Variants in KNTC1 observed in about 807,000 individuals in gnomAD.
KNTC1 encodes the protein kinetochore associated 1.
In KNTC1, 253 loss-of-function variants were observed where a neutral mutation model predicts 314.4. The ratio of observed to expected loss-of-function variants is 0.80; its 90% CI spans 0.73 to 0.89. The LOEUF (loss-of-function observed/expected upper bound fraction) is 0.89. Among genes scored for constraint, KNTC1 ranks in the 40% least tolerant of loss-of-function variants. The pLI, the probability that KNTC1 is intolerant of heterozygous loss-of-function variation, is 0.00. For missense variants in KNTC1, 2,475 were observed against 2,572.9 expected (o/e 0.96, Z 0.82); for synonymous variants, 901 against 901.4 (o/e 1.00, Z 0.01).
At chr12:122,532,983 G>A (rs1244986746) in intron 2 of KNTC1, among the ~76,000 whole-genome samples, 3 of 152,144 alleles carry the variant, frequency 2.0e-5, no homozygotes, top group East Asian at 1.9e-4. Context: ...GCTGAGGCAG[G>A]AGAATGGCGT....
chr12:122,572,397 C>A (rs1355527136), intron 24 of KNTC1, among the ~76,000 whole-genome samples: 6 of 149,826 alleles, frequency 4.0e-5, no homozygotes, highest in Admixed American at 6.6e-5. Flanking sequence ...TCTGTCCCCC[C>A]CAAAAAAAAA....
intron 54 of KNTC1, 185 bp from the exon 55 acceptor site, chr12:122,613,441 G>A (rs543963915): frequency 4.5e-6 from 3 of 663,696 alleles, no homozygotes; most frequent in Admixed American, 6.5e-5. Context: ...TTTAGAAACT[G>A]AATGTTTTAT....
chr12:122,545,737 C>T (rs887591811), intron 8 of KNTC1, among the ~76,000 whole-genome samples: 2 of 151,670 alleles, frequency 1.3e-5, no homozygotes, highest in African/African-American at 2.4e-5. Flanking sequence ...GGATTGCTTG[C>T]ACCCAGGAGG....
At position 122,574,371 on chromosome 12, in the gene KNTC1, T is replaced by G; in HGVS notation, c.2373T>G (p.Ser791=). The G allele has an allele frequency of 6.3e-7, 1 of 1,591,272 alleles. No homozygotes were observed. Among genetic ancestry groups the G allele is most frequent in the Non-Finnish European group, 8.6e-7 (1 of 1,162,658 alleles). The part of the protein sequence containing the change: ...AKAMAVIACL[S]DTDLIFDAVL... ...CCATGGCAGTAATAGCGTGTTTATC[T>G]GACACGGACGTAAGTAAATAGTGAC... Residue 791 remains serine (S), a synonymous_variant, in exon 27 of 64, where the codon TCT becomes TCG. Transcript: ENST00000333479.
rs1457514515 is a variant in KNTC1 at position 122,609,416 on chromosome 12, T to G, written c.5529T>G (p.Asp1843Glu). The change falls in exon 52 of 64, where the codon GAT becomes GAG. Residue 1843 changes from aspartate (D) to glutamate (E), a missense_variant. Coordinates refer to ENST00000333479, the MANE Select transcript of KNTC1 (RefSeq NM_014708.6). ...CAGAATTATTTGAACTTCAAGAAGA[T>G]GAAGCCCTACGAAGGTACTCTTTTC... The part of the protein sequence containing the change: ...KPSELFELQE[D>E]EALRRVQYLL... The G allele has an allele frequency of 6.3e-7, 1 of 1,585,896 alleles. No homozygotes were observed. Among genetic ancestry groups the G allele is most frequent in the Non-Finnish European group, 8.6e-7 (1 of 1,163,992 alleles).
rs781582593 is a variant in KNTC1, at chr12:122,547,980, AT to A, written c.987+15del. 86 of 1,523,154 alleles carry A rather than the reference AT, an allele frequency of 5.6e-5. No homozygotes were observed. Among genetic ancestry groups the A allele is most frequent in the Non-Finnish European group, 6.7e-5 (76 of 1,133,256 alleles). The allele number at this position is 1,523,154 out of a possible 1,614,324, so 94.4% of individuals were successfully genotyped here. On this transcript the variant is annotated intron_variant, in intron 12 of 63. Transcript: ENST00000333479. ...TCAGCTAATAAGAAGGTATTGGAAAATTTTATTTTGTGCTTGCCTATATTAT... is the reference window on the plus strand; with the variant it reads ...TCAGCTAATAAGAAGGTATTGGAAAATTTATTTTGTGCTTGCCTATATTAT...
intron 62 of KNTC1, among the ~76,000 whole-genome samples, chr12:122,624,034 C>T (rs1406887722): frequency 6.6e-6 from 1 of 152,140 alleles, no homozygotes; most frequent in African/African-American, 2.4e-5. Flanking sequence ...CACCATTGCA[C>T]TCCAGCCTGT....
At chr12:122,535,428 C>T (rs148168403) in intron 3 of KNTC1, among the ~76,000 whole-genome samples, 1,604 of 152,106 alleles carry the variant, frequency 0.011, 29 homozygotes, top group African/African-American at 0.037. Context: ...ATTGCCTGAG[C>T]TCAGGGGTTT....
intron 44 of KNTC1, among the ~76,000 whole-genome samples, chr12:122,600,969 C>G (rs1281952753): frequency 6.6e-6 from 1 of 151,896 alleles, no homozygotes; most frequent in Non-Finnish European, 1.5e-5. Context: ...TTTATTAAAA[C>G]AAGACTGCCT....
chr12:122,568,171 T>G (rs1330866906), intron 20 of KNTC1, 90 bp from the exon 21 acceptor site: 2 of 684,708 alleles, frequency 2.9e-6, no homozygotes, highest in Non-Finnish European at 5.1e-6. Context: ...AGAAGAAAAC[T>G]AATTAAAATG....
At chr12:122,597,350 G>A in intron 43 of KNTC1, 1 of 218,920 alleles carries the variant, frequency 4.6e-6, no homozygotes, top group South Asian at 6.7e-5. Flanking sequence ...CCGGGTTCAA[G>A]CAATTCTCCT....
chr12:122,538,155 A>C (rs1480289560), intron 3 of KNTC1, among the ~76,000 whole-genome samples, 184 bp from the exon 4 acceptor site: 1 of 152,186 alleles, frequency 6.6e-6, no homozygotes, highest in Non-Finnish European at 1.5e-5. Context: ...AAACAAAACA[A>C]AAAATATTTG....
intron 62 of KNTC1, among the ~76,000 whole-genome samples, chr12:122,623,837 C>T (rs774493083): frequency 2.0e-5 from 3 of 152,042 alleles, no homozygotes; most frequent in Admixed American, 1.3e-4. Context: ...GAGGCCGAGG[C>T]GGGTGGATCA....
At chr12:122,530,890 G>A (rs1004171914) in intron 2 of KNTC1, among the ~76,000 whole-genome samples, 1 of 152,182 alleles carries the variant, frequency 6.6e-6, no homozygotes, top group Non-Finnish European at 1.5e-5. Context: ...GTTTATCCGT[G>A]CATTTCTTTC....
chr12:122,543,950 T>C lies in KNTC1; in HGVS notation c.559-209T>C, dbSNP rs181749331. Among the ~76,000 whole-genome samples, 293 of 151,222 alleles carry C rather than the reference T, an allele frequency of 1.9e-3. 3 individuals carry two copies. Among genetic ancestry groups the C allele is most frequent in the Admixed American group, 0.015 (226 of 15,090 alleles). ...CTGTACTCCCAGCTACTCAGGAGGC[T>C]GAGGCAGGGAATTACTTGAACTCGG... On this transcript the variant is annotated intron_variant, in intron 7 of 63. Transcript: ENST00000333479.
At chr12:122,597,706 G>A (rs1441220895) in intron 43 of KNTC1, 25 bp from the exon 44 acceptor site, 2 of 1,596,040 alleles carry the variant, frequency 1.3e-6, no homozygotes, top group East Asian at 2.2e-5. Flanking sequence ...TTGGGAGACT[G>A]GTGTGTATTG....
intron 51 of KNTC1, 75 bp from the exon 52 acceptor site, chr12:122,609,302 CTAATAGA>C (rs1566013975): frequency 3.6e-6 from 3 of 822,010 alleles, no homozygotes; most frequent in Non-Finnish European, 5.9e-6. Context: ...GGTTTTTTAT[CTAATAGA>C]TTTTCAGAGA....
In KNTC1 at chr12:122,540,401, ACCTCAGGTGATCTGCCCG is replaced by A. The variant is rs568138148; in HGVS notation, c.445+664_445+681del. ...TGGCTAGGCTGGTCTTGAACTCCTGACCTCAGGTGATCTGCCCGCCTCAGGTGATCTGCCTGTGAGCCA... is the reference window on the plus strand; with the variant it reads ...TGGCTAGGCTGGTCTTGAACTCCTGACCTCAGGTGATCTGCCTGTGAGCCA... On this transcript the variant is annotated intron_variant, in intron 5 of 63. Coordinates refer to ENST00000333479, the MANE Select transcript of KNTC1 (RefSeq NM_014708.6). Among the ~76,000 whole-genome samples the A allele has an allele frequency of 1.4e-4, 21 of 152,056 alleles. No individual in the cohort carries two copies. The South Asian group carries it at 2.7e-3, about 20-fold the overall frequency.
chr12:122,604,774 A>T, intron 49 of KNTC1, 103 bp from the exon 50 acceptor site: 1 of 1,289,342 alleles, frequency 7.8e-7, no homozygotes, highest in Non-Finnish European at 1.1e-6. Context: ...TTAGGAACAT[A>T]ACTGAGGAAG....
Sources: allele counts gnomAD v4.1 joint callset (sites outside exome capture counted in the v4.1 genomes callset), GRCh38; gene constraint gnomAD v4.1.1; transcripts MANE v1.5; gene names NCBI Gene and HGNC (gene_info 2026-07-23, HGNC 2026-07-21).